Variants in NTRK2 observed in about 807,000 individuals in gnomAD.
NTRK2 encodes the protein BDNF/NT-3 growth factors receptor.
A neutral mutation model predicts 94.5 loss-of-function variants in NTRK2; 13 were observed. The ratio of observed to expected loss-of-function variants is 0.14; its 90% CI spans 0.09 to 0.22. The LOEUF is 0.22. NTRK2 is among the 10% of genes least tolerant of loss of function. The pLI is 1.00. For missense variants in NTRK2, 639 were observed against 1,071.2 expected (o/e 0.60, Z 5.63); for synonymous variants, 372 against 407.4 (o/e 0.91, Z 1.05).
chr9:84,814,126 T>G, intron 12 of NTRK2: 1 of 1,065,444 alleles, frequency 9.4e-7, no homozygotes, highest in Non-Finnish European at 1.1e-6. Flanking sequence ...ACCCACTAGG[T>G]TTTCTTTCCA....
chr9:84,790,389 T>C (rs1193683724), intron 12 of NTRK2, among the ~76,000 whole-genome samples: 3 of 152,192 alleles, frequency 2.0e-5, no homozygotes, highest in South Asian at 2.1e-4. Flanking sequence ...AGCCTTCTTA[T>C]TGAACATTTT....
intron 12 of NTRK2, among the ~76,000 whole-genome samples, chr9:84,847,491 T>G (rs2074528666): frequency 6.6e-6 from 1 of 152,210 alleles, no homozygotes; most frequent in African/African-American, 2.4e-5. Flanking sequence ...CTTTTCCATT[T>G]GGGTGGCTCA....
At chr9:84,821,566 T>C (rs2072834839) in intron 12 of NTRK2, among the ~76,000 whole-genome samples, 3 of 152,172 alleles carry the variant, frequency 2.0e-5, no homozygotes, top group Admixed American at 6.5e-5. Flanking sequence ...TAATTACAAA[T>C]CCCAAAAGGT....
At chr9:84,888,982 A>ATTT (rs71369159) in intron 14 of NTRK2, among the ~76,000 whole-genome samples, 4,804 of 101,592 alleles carry the variant, frequency 0.047, 1,318 homozygotes, top group African/African-American at 0.094. Context: ...AATGACAGAA[A>ATTT]TTTTTTTTTT....
chr9:84,684,721 G>C (rs1480242791), intron 2 of NTRK2, among the ~76,000 whole-genome samples: 3 of 152,144 alleles, frequency 2.0e-5, no homozygotes, highest in Admixed American at 2.0e-4. Flanking sequence ...TACCTCAATT[G>C]CTGTATTTTG....
intron 2 of NTRK2, among the ~76,000 whole-genome samples, chr9:84,695,073 A>AATC (rs1554694511): frequency 7.5e-6 from 1 of 133,878 alleles, no homozygotes; most frequent in Non-Finnish European, 1.5e-5. Flanking sequence ...AAAAAAAAAA[A>AATC]ACACACAACA....
At chr9:84,928,808 C>T (rs1024233325) in intron 14 of NTRK2, among the ~76,000 whole-genome samples, 3 of 152,170 alleles carry the variant, frequency 2.0e-5, no homozygotes, top group African/African-American at 4.8e-5. Flanking sequence ...GAGAGAATTT[C>T]GGGAACTCCC....
chr9:84,933,375 A>T (rs1437931684), intron 14 of NTRK2, among the ~76,000 whole-genome samples: 1 of 152,148 alleles, frequency 6.6e-6, no homozygotes, highest in Non-Finnish European at 1.5e-5. Flanking sequence ...TGAGCTTCTG[A>T]GGACCCTTAA....
At chr9:84,840,268 T>C (rs1432978616) in intron 12 of NTRK2, among the ~76,000 whole-genome samples, 1 of 134,318 alleles carries the variant, frequency 7.4e-6, no homozygotes, top group Non-Finnish European at 1.5e-5. Context: ...GACAATTCTT[T>C]TTTTTTTTTT....
intron 14 of NTRK2, among the ~76,000 whole-genome samples, chr9:84,884,786 A>G (rs1198717592): frequency 6.6e-6 from 1 of 152,224 alleles, no homozygotes; most frequent in Non-Finnish European, 1.5e-5. Flanking sequence ...GTCAGGCACT[A>G]TTTATCACAG....
At chr9:84,811,305 GA>G in intron 12 of NTRK2, 1 of 1,065,444 alleles carries the variant, frequency 9.4e-7, no homozygotes, top group Non-Finnish European at 1.1e-6. Flanking sequence ...ACAAACAAAT[GA>G]AAAACGTTTA....
intron 4 of NTRK2, among the ~76,000 whole-genome samples, chr9:84,703,627 T>C (rs569833582): frequency 6.6e-6 from 1 of 152,350 alleles, no homozygotes; most frequent in African/African-American, 2.4e-5. Context: ...GGACACTCTA[T>C]TGAAATTTGT....
chr9:84,810,622 T>C lies in NTRK2; in HGVS notation c.1397-50418T>C, dbSNP rs11140766. On this transcript the variant is annotated intron_variant, in intron 12 of 18. Transcript: ENST00000277120. ...ACAGAGAAAGGGGCTGTGGTGCTTG[T>C]TGGTTGATGCTGCCATGTAAGCTGG... 8.2e-5 allele frequency: 133 copies of C among 1,613,590 alleles called. No homozygotes were observed. In the Middle Eastern group the frequency reaches 2.3e-3, roughly 28 times the overall value.
chr9:84,831,982 C>A (rs1421719927), intron 12 of NTRK2, among the ~76,000 whole-genome samples: 1 of 152,188 alleles, frequency 6.6e-6, no homozygotes, highest in Non-Finnish European at 1.5e-5. Context: ...CATGATCATA[C>A]CCAGTTAACT....
At chr9:84,993,808 G>A (rs960691468) in intron 17 of NTRK2, among the ~76,000 whole-genome samples, 3 of 152,084 alleles carry the variant, frequency 2.0e-5, no homozygotes, top group African/African-American at 7.2e-5. Context: ...CACCTCTCCT[G>A]TCGCAGGACC....
At position 84,721,164 on chromosome 9, in the gene NTRK2, A is replaced by C. The variant is rs377643149; in HGVS notation, c.584-2409A>C. On this transcript the variant is annotated intron_variant, in intron 6 of 18. Coordinates refer to ENST00000277120, the MANE Select transcript of NTRK2 (RefSeq NM_006180.6). ...GTGTTAGTAAGGCTTGCATACTCAT[A>C]ATACTCATAATAATCTTTTTTTTTT... Among the ~76,000 whole-genome samples, 16 of 144,874 alleles carry C rather than the reference A, an allele frequency of 1.1e-4. No individual in the cohort carries two copies. The East Asian group carries it at 2.9e-3, about 26-fold the overall frequency.
chr9:84,865,091 C>T (rs2075528771), intron 13 of NTRK2, among the ~76,000 whole-genome samples: 1 of 152,092 alleles, frequency 6.6e-6, no homozygotes, highest in Admixed American at 6.6e-5. Context: ...CTAGGCCTGT[C>T]AGGGAGCAAG....
chr9:84,795,761 A>C (rs76811999), intron 12 of NTRK2, among the ~76,000 whole-genome samples: 1 of 152,042 alleles, frequency 6.6e-6, no homozygotes, highest in Non-Finnish European at 1.5e-5. Flanking sequence ...CCGGACCCCA[A>C]AGTATTTTGG....
At chr9:84,692,452 T>C (rs945762467) in intron 2 of NTRK2, among the ~76,000 whole-genome samples, 1 of 143,044 alleles carries the variant, frequency 7.0e-6, no homozygotes, top group East Asian at 2.1e-4. Context: ...TTTTCTTTTC[T>C]TTTTTTTCTT....
Sources: gnomAD v4.1 joint callset for allele counts (sites outside exome capture counted in the v4.1 genomes callset) on GRCh38, gnomAD v4.1.1 for gene constraint, MANE v1.5 for transcripts, NCBI Gene and HGNC (gene_info 2026-07-23, HGNC 2026-07-21) for gene names.